MAGI1: variants seen among roughly 807,000 people sequenced by gnomAD.
The protein encoded by MAGI1 is membrane associated guanylate kinase, WW and PDZ domain containing 1.
A neutral mutation model predicts 139.9 loss-of-function variants in MAGI1; 58 were observed. The observed-to-expected ratio is 0.41, with a 90% CI of 0.34 to 0.52. MAGI1 has a LOEUF of 0.52. Among genes scored for constraint, MAGI1 ranks in the 20% least tolerant of loss-of-function variants. The pLI is 0.12. For synonymous variants in MAGI1, 812 were observed against 737.9 expected (o/e 1.10, Z -1.63); for missense variants, 1,874 against 1,901.6 (o/e 0.99, Z 0.27).
At chr3:65,507,675 C>G (rs191960752) in intron 2 of MAGI1, among the ~76,000 whole-genome samples, 1 of 152,106 alleles carries the variant, frequency 6.6e-6, no homozygotes, top group African/African-American at 2.4e-5. Context: ...CTTGGAGCAA[C>G]GGCAAAATCA....
chr3:65,976,827 G>A (rs1030654808), intron 1 of MAGI1, among the ~76,000 whole-genome samples: 3 of 152,148 alleles, frequency 2.0e-5, no homozygotes, highest in Non-Finnish European at 2.9e-5. Flanking sequence ...CAGTGTCATC[G>A]TAAATTAGCA....
chr3:65,379,692 C>A (rs1432634593), intron 16 of MAGI1, 138 bp from the exon 17 acceptor site: 2 of 1,378,342 alleles, frequency 1.5e-6, no homozygotes, highest in Non-Finnish European at 2.0e-6. Context: ...TTTCACAATA[C>A]CTGGATATAC....
At chr3:65,559,864 A>G (rs1165917137) in intron 2 of MAGI1, among the ~76,000 whole-genome samples, 1 of 152,106 alleles carries the variant, frequency 6.6e-6, no homozygotes, top group Non-Finnish European at 1.5e-5. Context: ...GTAAGACCCT[A>G]TGTGTATAAA....
Position 65,473,351 on chromosome 3 carries a change from C to T in MAGI1, c.758-2867G>A, listed in dbSNP as rs75163543. ...CGATCTGTAAAATGGGCATAATGTA[C>T]ATGGCATAAGAACAGAATTAACACA... On this transcript the variant is annotated intron_variant, in intron 4 of 22. Transcript: ENST00000402939. 7.7e-3 allele frequency among the ~76,000 whole-genome samples: 1,176 copies of T among 152,178 alleles called. 8 individuals carry two copies. Among genetic ancestry groups the T allele is most frequent in the African/African-American group, 0.025 (1,020 of 41,536 alleles).
rs1012623621 is a variant in MAGI1 at position 65,942,828 on chromosome 3, C to G, written c.313+95168G>C. On this transcript the variant is annotated intron_variant, in intron 1 of 22. Transcript: ENST00000402939. ...AAGAGGTTGGGAGTTCGAGACCAGC[C>G]TGGCCAATAGGGTGAAACCCCATCT... Among the ~76,000 whole-genome samples, 4 of 152,140 alleles carry G rather than the reference C, an allele frequency of 2.6e-5. No individual in the cohort carries two copies. In the East Asian group the frequency reaches 5.8e-4, roughly 22 times the overall value.
At chr3:65,830,777 G>C (rs907378228) in intron 1 of MAGI1, among the ~76,000 whole-genome samples, 1 of 152,102 alleles carries the variant, frequency 6.6e-6, no homozygotes, top group African/African-American at 2.4e-5. Flanking sequence ...CATGTTTTCA[G>C]TAAGGTAAAT....
Position 65,437,205 on chromosome 3 carries a change from G to A in MAGI1, c.1313C>T (p.Pro438Leu). Residue 438 changes from proline to leucine, a missense_variant, in exon 10 of 23, where the codon CCA (proline) becomes CTA (leucine). Physicochemically the swap from Pro to Leu is moderately conservative, Grantham distance 98. Coordinates refer to ENST00000402939, the MANE Select transcript of MAGI1 (RefSeq NM_001033057.2). ...CTCTGGATTGCTTGGAGGGTGGTTT[G>A]GAATAACAGGAGGCACAAGGGCTGA... Reference protein sequence around the residue: ...DHSALVPPVIPNHPPSNPEPA... With the variant: ...DHSALVPPVILNHPPSNPEPA... 1 of 1,612,322 alleles carries A rather than the reference G, an allele frequency of 6.2e-7. No homozygotes were observed. The highest frequency in any genetic ancestry group is 8.5e-7 in the Non-Finnish European group (1 of 1,178,648).
At chr3:65,862,065 C>G (rs548587491) in intron 1 of MAGI1, among the ~76,000 whole-genome samples, 1 of 152,270 alleles carries the variant, frequency 6.6e-6, no homozygotes, top group African/African-American at 2.4e-5. Context: ...TGCACTATGT[C>G]TAATGAGGCT....
At chr3:66,032,431 A>T (rs1382697907) in intron 1 of MAGI1, among the ~76,000 whole-genome samples, 1 of 136,672 alleles carries the variant, frequency 7.3e-6, no homozygotes. Context: ...CATCTTGGCC[A>T]GGCTGGTCTT....
chr3:66,027,704 C>T (rs1214651439), intron 1 of MAGI1, among the ~76,000 whole-genome samples: 2 of 152,146 alleles, frequency 1.3e-5, no homozygotes, highest in East Asian at 3.9e-4. Flanking sequence ...ACTAGCATAT[C>T]CCTCCTAACT....
At chr3:65,737,275 G>A (rs1313262764) in intron 1 of MAGI1, among the ~76,000 whole-genome samples, 1 of 152,234 alleles carries the variant, frequency 6.6e-6, no homozygotes, top group Non-Finnish European at 1.5e-5. Flanking sequence ...AAAGTGCTGG[G>A]ATTACAGGCG....
At chr3:65,677,446 G>A (rs556881343) in intron 1 of MAGI1, among the ~76,000 whole-genome samples, 5 of 152,218 alleles carry the variant, frequency 3.3e-5, no homozygotes, top group East Asian at 1.9e-4. Context: ...ATGACACACC[G>A]GCAAGGTTTG....
At chr3:65,993,372 G>C (rs1278380627) in intron 1 of MAGI1, among the ~76,000 whole-genome samples, 1 of 152,162 alleles carries the variant, frequency 6.6e-6, no homozygotes, top group Non-Finnish European at 1.5e-5. Flanking sequence ...AAGAACCCAT[G>C]TAGCTAGAGA....
chr3:65,965,321 T>C (rs573730611), intron 1 of MAGI1, among the ~76,000 whole-genome samples: 6 of 152,338 alleles, frequency 3.9e-5, no homozygotes, highest in African/African-American at 1.4e-4. Context: ...TTACCCTTTT[T>C]AAAACCACTT....
chr3:65,421,620 T>A (rs1360224021), intron 12 of MAGI1, among the ~76,000 whole-genome samples: 1 of 152,216 alleles, frequency 6.6e-6, no homozygotes, highest in African/African-American at 2.4e-5. Context: ...TTCTCGTGTT[T>A]TGAGGTTTCT....
At chr3:66,005,673 A>T (rs2066977973) in intron 1 of MAGI1, among the ~76,000 whole-genome samples, 1 of 152,120 alleles carries the variant, frequency 6.6e-6, no homozygotes, top group Non-Finnish European at 1.5e-5. Context: ...AATCAAAGGG[A>T]GAGAAGAAAA....
intron 1 of MAGI1, among the ~76,000 whole-genome samples, chr3:65,848,652 T>G (rs1186900812): frequency 6.6e-6 from 1 of 151,974 alleles, no homozygotes; most frequent in Non-Finnish European, 1.5e-5. Context: ...TACAATTAAT[T>G]AAGAGATGAA....
At position 65,542,026 on chromosome 3, in the gene MAGI1, C is replaced by T. The variant is rs138139871; in HGVS notation, c.431-48395G>A. Reference sequence around the variant, plus strand: ...TGATTGTATATTTAGAAAACCCCATCCTCTCAGCCCAAAATCTCCTTAAGC... The same window carrying T: ...TGATTGTATATTTAGAAAACCCCATTCTCTCAGCCCAAAATCTCCTTAAGC... On this transcript the variant is annotated intron_variant, in intron 2 of 22. Coordinates refer to ENST00000402939, the MANE Select transcript of MAGI1 (RefSeq NM_001033057.2). Among the ~76,000 whole-genome samples, 746 of 152,270 alleles carry T rather than the reference C, an allele frequency of 4.9e-3. 6 individuals carry two copies. The highest frequency in any genetic ancestry group is 0.033 in the East Asian group (173 of 5,168).
chr3:65,852,735 TC>T (rs1305341719), intron 1 of MAGI1, among the ~76,000 whole-genome samples: 37 of 151,910 alleles, frequency 2.4e-4, no homozygotes, highest in Middle Eastern at 3.4e-3. Flanking sequence ...ACTCCCGACC[TC>T]AGGTGATCTG....
Sources: allele counts gnomAD v4.1 joint callset (sites outside exome capture counted in the v4.1 genomes callset), GRCh38; gene constraint gnomAD v4.1.1; transcripts MANE v1.5; gene names NCBI Gene and HGNC (gene_info 2026-07-23, HGNC 2026-07-21).